Variants in MAGI2 observed in about 807,000 individuals in gnomAD.
MAGI2 encodes the protein membrane associated guanylate kinase, WW and PDZ domain containing 2, also known as membrane-associated guanylate kinase, WW and PDZ domain-containing protein 2.
Under a neutral mutation model 133.3 loss-of-function variants are expected in MAGI2, and 35 were observed. The observed-to-expected ratio is 0.26, with a 90% CI of 0.20 to 0.35. The LOEUF (loss-of-function observed/expected upper bound fraction) is 0.35, where lower values mean the gene tolerates loss of function less well. MAGI2 is among the 10% of genes least tolerant of loss of function. The pLI is 1.00. For missense variants in MAGI2, 1,636 were observed against 1,863.4 expected (o/e 0.88, Z 2.25); for synonymous variants, 729 against 710.6 (o/e 1.03, Z -0.41).
intron 14 of MAGI2, among the ~76,000 whole-genome samples, chr7:78,177,434 A>C (rs985429618): frequency 6.6e-6 from 1 of 150,904 alleles, no homozygotes; most frequent in Admixed American, 6.6e-5. Context: ...ACACACACAC[A>C]CACACACACA....
chr7:78,719,222 C>T (rs975589922), intron 2 of MAGI2, among the ~76,000 whole-genome samples: 1 of 152,156 alleles, frequency 6.6e-6, no homozygotes, highest in Non-Finnish European at 1.5e-5. Flanking sequence ...GGATCTGACA[C>T]ATGCTGTTCC....
At chr7:79,422,856 T>C (rs1847074671) in intron 1 of MAGI2, among the ~76,000 whole-genome samples, 1 of 152,064 alleles carries the variant, frequency 6.6e-6, no homozygotes, top group Non-Finnish European at 1.5e-5. Flanking sequence ...CAAACCTGTA[T>C]AATGCTGAAA....
In MAGI2 at chr7:79,412,414, A is replaced by G. The variant is rs1044137374; in HGVS notation, c.301+40606T>C. 11 of 152,120 alleles carry G rather than the reference A, an allele frequency of 7.2e-5. No individual in the cohort carries two copies. The East Asian group carries it at 1.9e-3, about 27-fold the overall frequency. The allele number at this position is 152,120 out of a possible 1,614,324, so 9.4% of individuals were successfully genotyped here. On this transcript the variant is annotated intron_variant, in intron 1 of 21. Coordinates refer to ENST00000354212, the MANE Select transcript of MAGI2 (RefSeq NM_012301.4). ...TATCATTAAGTGTAAAATCTGCATT[A>G]CTGTCCTGATGCTGCAGAAATGTAG...
chr7:79,171,871 T>A (rs567085963), intron 1 of MAGI2, among the ~76,000 whole-genome samples: 1 of 148,384 alleles, frequency 6.7e-6, no homozygotes, highest in African/African-American at 2.5e-5. Flanking sequence ...AACATACACA[T>A]CCCAAAGGTA....
At chr7:78,711,264 A>C (rs982352630) in intron 2 of MAGI2, among the ~76,000 whole-genome samples, 2 of 152,182 alleles carry the variant, frequency 1.3e-5, no homozygotes, top group African/African-American at 4.8e-5. Flanking sequence ...TCTCAGACTA[A>C]AGAGGTGTCA....
At chr7:78,233,247 G>T (rs1393921081) in intron 10 of MAGI2, among the ~76,000 whole-genome samples, 1 of 152,124 alleles carries the variant, frequency 6.6e-6, no homozygotes, top group Non-Finnish European at 1.5e-5. Context: ...ACACAAGCTG[G>T]GAAATCTCAG....
intron 20 of MAGI2, among the ~76,000 whole-genome samples, chr7:78,091,513 T>C (rs1817207728): frequency 6.6e-6 from 1 of 152,196 alleles, no homozygotes; most frequent in South Asian, 2.1e-4. Flanking sequence ...AATTAAAGCA[T>C]GCATAGGGGC....
At chr7:79,367,846 T>TTATATATGTGACATATATATATA (rs1563157836) in intron 1 of MAGI2, among the ~76,000 whole-genome samples, 2 of 138,076 alleles carry the variant, frequency 1.4e-5, no homozygotes, top group Non-Finnish European at 3.0e-5. Flanking sequence ...ATATATATGC[T>TTATATATGTGACATATATATATA]TATATATGTG....
At chr7:79,416,773 C>A (rs557107941) in intron 1 of MAGI2, among the ~76,000 whole-genome samples, 1 of 124,096 alleles carries the variant, frequency 8.1e-6, no homozygotes, top group East Asian at 2.5e-4. Flanking sequence ...GTTATCCAGG[C>A]TTCCAGGCTG....
At chr7:78,051,050 C>T (rs1040790844) in intron 21 of MAGI2, among the ~76,000 whole-genome samples, 7 of 152,196 alleles carry the variant, frequency 4.6e-5, no homozygotes, top group Admixed American at 1.3e-4. Flanking sequence ...TTTGATTCTG[C>T]GGATTAGTCA....
At chr7:78,807,181 T>C (rs1788649537) in intron 2 of MAGI2, among the ~76,000 whole-genome samples, 1 of 152,044 alleles carries the variant, frequency 6.6e-6, no homozygotes, top group African/African-American at 2.4e-5. Flanking sequence ...CCCTTTGCAC[T>C]CTTGTAAATT....
At chr7:78,434,658 A>C (rs1478073911) in intron 6 of MAGI2, among the ~76,000 whole-genome samples, 2 of 152,188 alleles carry the variant, frequency 1.3e-5, no homozygotes, top group Non-Finnish European at 2.9e-5. Context: ...AGACAGTAGA[A>C]TTTAGAGTAG....
chr7:78,895,380 C>T (rs921681227), intron 2 of MAGI2, among the ~76,000 whole-genome samples: 1 of 151,996 alleles, frequency 6.6e-6, no homozygotes, highest in Non-Finnish European at 1.5e-5. Flanking sequence ...TCCATTATAG[C>T]GACAGAAAAT....
chr7:79,408,748 G>T (rs780270298), intron 1 of MAGI2, among the ~76,000 whole-genome samples: 48 of 151,930 alleles, frequency 3.2e-4, no homozygotes, highest in Non-Finnish European at 4.9e-4. Context: ...AAAAGAGATG[G>T]GGGGGTCAGT....
chr7:78,536,727 A>AAT (rs200606134), intron 3 of MAGI2, among the ~76,000 whole-genome samples: 1 of 148,678 alleles, frequency 6.7e-6, no homozygotes, highest in Non-Finnish European at 1.5e-5. Context: ...TTTTTAAAAA[A>AAT]TTTCAATAGT....
chr7:78,753,618 T>C (rs1334039401), intron 2 of MAGI2, among the ~76,000 whole-genome samples: 2 of 152,048 alleles, frequency 1.3e-5, no homozygotes, highest in Admixed American at 6.6e-5. Context: ...CTCAGGAAAC[T>C]GCAGGAAGAG....
intron 20 of MAGI2, among the ~76,000 whole-genome samples, chr7:78,112,621 A>G (rs1378953773): frequency 1.3e-5 from 2 of 152,198 alleles, no homozygotes. Context: ...CAGCTAGTGA[A>G]TGTGCAGAGT....
intron 10 of MAGI2, among the ~76,000 whole-genome samples, chr7:78,205,902 C>T (rs955846626): frequency 2.0e-5 from 3 of 152,280 alleles, no homozygotes; most frequent in Non-Finnish European, 4.4e-5. Context: ...GTGCTGACTG[C>T]CTTCTCATTG....
chr7:78,618,052 T>C (rs1168117421), intron 3 of MAGI2: 3 of 152,038 alleles, frequency 2.0e-5, no homozygotes, highest in African/African-American at 7.2e-5. Flanking sequence ...GTTATAGCTT[T>C]CAAATCATTA....
Sources: allele counts gnomAD v4.1 joint callset (sites outside exome capture counted in the v4.1 genomes callset), GRCh38; gene constraint gnomAD v4.1.1; transcripts MANE v1.5; gene names NCBI Gene and HGNC (gene_info 2026-07-23, HGNC 2026-07-21).